The following CDH18 variants were observed in gnomAD, a reference collection of about 807,000 sequenced individuals.
CDH18 encodes cadherin-18.
Under a neutral mutation model 67.9 loss-of-function variants are expected in CDH18, and 31 were observed. The ratio of observed to expected loss-of-function variants is 0.46; its 90% CI spans 0.34 to 0.62. CDH18 has a LOEUF of 0.62. CDH18 is among the 20% of genes least tolerant of loss of function. CDH18 has a pLI of 0.01. For synonymous variants in CDH18, 362 were observed against 347.2 expected (o/e 1.04, Z -0.48); for missense variants, 890 against 975.5 (o/e 0.91, Z 1.17).
intron 2 of CDH18, among the ~76,000 whole-genome samples, chr5:20,002,690 G>A (rs1477833368): frequency 1.3e-5 from 2 of 152,164 alleles, no homozygotes; most frequent in Non-Finnish European, 2.9e-5. Flanking sequence ...AATAGGGAAT[G>A]ATTTGCGGAG....
intron 2 of CDH18, among the ~76,000 whole-genome samples, chr5:20,172,190 G>GTGTGTATA (rs1342353318): frequency 4.7e-4 from 11 of 23,324 alleles, no homozygotes; most frequent in African/African-American, 1.7e-3. Flanking sequence ...AGCATTGTGT[G>GTGTGTATA]TATATATATA....
intron 2 of CDH18, among the ~76,000 whole-genome samples, chr5:20,123,208 G>GAGT (rs1220702552): frequency 6.6e-6 from 1 of 152,048 alleles, no homozygotes; most frequent in Non-Finnish European, 1.5e-5. Context: ...ATCTGGAAAA[G>GAGT]AGTAGAAGAA....
At chr5:20,283,399 T>C (rs759288805) in intron 1 of CDH18, among the ~76,000 whole-genome samples, 5 of 151,870 alleles carry the variant, frequency 3.3e-5, no homozygotes, top group East Asian at 1.9e-4. Context: ...AACAAATCTA[T>C]AGGAAAAACA....
At chr5:19,484,671 C>T (rs1319849594) in intron 11 of CDH18, among the ~76,000 whole-genome samples, 1 of 152,232 alleles carries the variant, frequency 6.6e-6, no homozygotes, top group Non-Finnish European at 1.5e-5. Context: ...TCCTGCACTA[C>T]TGACAATACT....
chr5:20,038,900 A>C (rs1159676890), intron 2 of CDH18, among the ~76,000 whole-genome samples: 1 of 152,102 alleles, frequency 6.6e-6, no homozygotes, highest in Non-Finnish European at 1.5e-5. Context: ...CAGGAAATTA[A>C]ATTTTCTCTG....
intron 2 of CDH18, among the ~76,000 whole-genome samples, chr5:19,894,762 C>T (rs2150093549): frequency 1.3e-5 from 2 of 152,176 alleles, no homozygotes; most frequent in Middle Eastern, 6.8e-3. Flanking sequence ...AACATTTGAC[C>T]TCTGAACATT....
chr5:19,525,364 C>G (rs1462831156), intron 9 of CDH18, among the ~76,000 whole-genome samples: 1 of 151,126 alleles, frequency 6.6e-6, no homozygotes, highest in East Asian at 1.9e-4. Flanking sequence ...AATCACTATT[C>G]TGTAACAATG....
intron 5 of CDH18, among the ~76,000 whole-genome samples, chr5:19,642,684 A>C (rs1000254928): frequency 1.3e-5 from 2 of 152,072 alleles, no homozygotes; most frequent in East Asian, 3.9e-4. Context: ...AAATGGATTA[A>C]AGATTTAAAG....
chr5:19,625,528 G>C (rs1751407911), intron 5 of CDH18, among the ~76,000 whole-genome samples: 2 of 152,068 alleles, frequency 1.3e-5, no homozygotes, highest in Non-Finnish European at 2.9e-5. Flanking sequence ...GGTGTTGGCA[G>C]GGTTGCTTTC....
intron 6 of CDH18, among the ~76,000 whole-genome samples, chr5:19,604,652 C>T (rs1468411652): frequency 2.6e-5 from 4 of 151,512 alleles, no homozygotes; most frequent in African/African-American, 7.3e-5. Context: ...GTTGGCTCTA[C>T]GTGCAATGTT....
intron 3 of CDH18, among the ~76,000 whole-genome samples, chr5:19,748,013 T>C (rs2149655203): frequency 6.9e-6 from 1 of 145,432 alleles, no homozygotes; most frequent in East Asian, 2.0e-4. Flanking sequence ...CTCGGGGGGC[T>C]GAGGCAGGAA....
Position 19,808,963 on chromosome 5 carries a change from T to G in CDH18, c.228+29796A>C, listed in dbSNP as rs1389080768. Among the ~76,000 whole-genome samples the G allele has an allele frequency of 3.3e-5, 5 of 152,022 alleles. No individual in the cohort carries two copies. The South Asian group carries it at 8.3e-4, about 25-fold the overall frequency. ...AATATTTTAGAATTTTATCTCTGTATCTGTGTGAAAGTATCAAAGCATGAT... is the reference window on the plus strand; with the variant it reads ...AATATTTTAGAATTTTATCTCTGTAGCTGTGTGAAAGTATCAAAGCATGAT... On this transcript the variant is annotated intron_variant, in intron 3 of 12. Coordinates refer to ENST00000382275, the MANE Select transcript of CDH18 (RefSeq NM_004934.5).
intron 2 of CDH18, among the ~76,000 whole-genome samples, chr5:20,050,015 T>C (rs1741272727): frequency 6.6e-6 from 1 of 151,728 alleles, no homozygotes; most frequent in Admixed American, 6.6e-5. Context: ...AAAATGAAAG[T>C]ATGAGCCACA....
chr5:20,324,768 A>C (rs1738392515), intron 1 of CDH18, among the ~76,000 whole-genome samples: 1 of 152,218 alleles, frequency 6.6e-6, no homozygotes, highest in Non-Finnish European at 1.5e-5. Flanking sequence ...GAACAGTCTG[A>C]CACCAAAAAA....
intron 3 of CDH18, among the ~76,000 whole-genome samples, chr5:19,756,845 T>C (rs911952474): frequency 1.3e-5 from 2 of 152,220 alleles, no homozygotes; most frequent in African/African-American, 4.8e-5. Flanking sequence ...GGAGATGGTG[T>C]GTGTTGCCAC....
chr5:20,014,742 C>T (rs1293859777), intron 2 of CDH18, among the ~76,000 whole-genome samples: 1 of 152,054 alleles, frequency 6.6e-6, no homozygotes, highest in East Asian at 1.9e-4. Context: ...AAAGTTGGAG[C>T]CTCCGTCTGA....
At chr5:20,457,949 T>C (rs963782347) in intron 1 of CDH18, among the ~76,000 whole-genome samples, 7 of 152,168 alleles carry the variant, frequency 4.6e-5, no homozygotes, top group African/African-American at 1.7e-4. Context: ...GAGAATGAAA[T>C]GTGATGCTTA....
chr5:19,554,107 G>A (rs1046586133), intron 8 of CDH18, among the ~76,000 whole-genome samples: 4 of 152,170 alleles, frequency 2.6e-5, no homozygotes, highest in Admixed American at 1.3e-4. Flanking sequence ...CATAAAGTGA[G>A]TATTGTGCTT....
In CDH18 at chr5:19,612,444, G is replaced by C; in HGVS notation, c.801C>G (p.Arg267=). The C allele has an allele frequency of 6.2e-7, 1 of 1,614,012 alleles. No individual in the cohort carries two copies. Among genetic ancestry groups the C allele is most frequent in the Non-Finnish European group, 8.5e-7 (1 of 1,179,972 alleles). ...TLTDVNDNPP[R]FPQKHYQLYV... Reference sequence around the variant, plus strand: ...AAAACAAATACGTACTTTGAGGAAAGCGTGGTGGGTTGTCATTGACATCGG... The same window carrying C: ...AAAACAAATACGTACTTTGAGGAAACCGTGGTGGGTTGTCATTGACATCGG... Residue 267 remains arginine (R), a synonymous_variant, in exon 6 of 13, where the codon CGC becomes CGG. Transcript: ENST00000382275.
Sources: gnomAD v4.1 joint callset for allele counts (sites outside exome capture counted in the v4.1 genomes callset) on GRCh38, gnomAD v4.1.1 for gene constraint, MANE v1.5 for transcripts, NCBI Gene and HGNC (gene_info 2026-07-23, HGNC 2026-07-21) for gene names.